Variants in PPP2R3A observed in about 807,000 individuals in gnomAD.
The protein encoded by PPP2R3A is serine/threonine-protein phosphatase 2A regulatory subunit B'' subunit alpha.
Under a neutral mutation model 106.9 loss-of-function variants are expected in PPP2R3A, and 80 were observed. The observed-to-expected ratio is 0.75, with a 90% CI of 0.62 to 0.90. The LOEUF (loss-of-function observed/expected upper bound fraction) is 0.90. Ranked by LOEUF, PPP2R3A falls within the 40% of genes least tolerant of loss-of-function variation. PPP2R3A has a pLI of 0.00. For missense variants in PPP2R3A, 1,386 were observed against 1,350.4 expected (o/e 1.03, Z -0.41); for synonymous variants, 483 against 468.3 (o/e 1.03, Z -0.41).
chr3:136,093,441 CAAAAG>C (rs1293279130), intron 10 of PPP2R3A, among the ~76,000 whole-genome samples: 18 of 152,106 alleles, frequency 1.2e-4, no homozygotes, highest in African/African-American at 3.9e-4. Flanking sequence ...TTTTGTGCAT[CAAAAG>C]ATATGATCAA....
intron 5 of PPP2R3A, among the ~76,000 whole-genome samples, chr3:136,066,625 C>T (rs988184672): frequency 2.0e-5 from 3 of 152,064 alleles, no homozygotes; most frequent in Non-Finnish European, 2.9e-5. Flanking sequence ...TCAATCATGG[C>T]AGAAGGACAA....
chr3:135,999,782 A>G (rs1490038237), intron 1 of PPP2R3A, among the ~76,000 whole-genome samples: 2 of 151,474 alleles, frequency 1.3e-5, no homozygotes, highest in Non-Finnish European at 2.9e-5. Flanking sequence ...TTTTATTTTT[A>G]TTTTTTTCTG....
intron 10 of PPP2R3A, among the ~76,000 whole-genome samples, chr3:136,092,379 GT>G (rs1268636904): frequency 6.6e-6 from 1 of 152,120 alleles, no homozygotes; most frequent in Non-Finnish European, 1.5e-5. Context: ...GACATCCCAT[GT>G]TCATGGATCA....
chr3:136,116,446 G>A (rs182529287), intron 13 of PPP2R3A, among the ~76,000 whole-genome samples: 1 of 152,260 alleles, frequency 6.6e-6, no homozygotes, highest in Admixed American at 6.5e-5. Context: ...ACACAGACTG[G>A]CAAATTGGAT....
chr3:135,989,698 G>T (rs1933074017), intron 1 of PPP2R3A, among the ~76,000 whole-genome samples: 2 of 151,972 alleles, frequency 1.3e-5, no homozygotes, highest in African/African-American at 2.4e-5. Context: ...CTTCCTTTCT[G>T]TACCTTACTT....
intron 2 of PPP2R3A, among the ~76,000 whole-genome samples, chr3:136,023,952 A>C (rs1327989351): frequency 1.3e-5 from 2 of 152,168 alleles, no homozygotes; most frequent in African/African-American, 4.8e-5. Context: ...CCAGCAAGAA[A>C]CCATAGTTTT....
chr3:136,040,729 C>T (rs1350016539), intron 3 of PPP2R3A, 130 bp from the exon 4 acceptor site: 2 of 570,224 alleles, frequency 3.5e-6, no homozygotes. Flanking sequence ...TCCTATGCTC[C>T]AGTTTTGTTC....
chr3:136,000,178 C>A (rs1335881016), intron 1 of PPP2R3A, among the ~76,000 whole-genome samples: 2 of 152,108 alleles, frequency 1.3e-5, no homozygotes, highest in Non-Finnish European at 2.9e-5. Flanking sequence ...AACCCTTGCC[C>A]TGCATCATTT....
chr3:136,096,549 TTAGTCATC>T (rs1937219830), intron 10 of PPP2R3A, among the ~76,000 whole-genome samples: 1 of 152,266 alleles, frequency 6.6e-6, no homozygotes, highest in Non-Finnish European at 1.5e-5. Flanking sequence ...TGCTTCTACC[TTAGTCATC>T]TGGCTAGATA....
At chr3:136,052,316 GA>G (rs984968904) in intron 5 of PPP2R3A, among the ~76,000 whole-genome samples, 3 of 152,150 alleles carry the variant, frequency 2.0e-5, no homozygotes, top group African/African-American at 7.2e-5. Flanking sequence ...ACAGAGGAAA[GA>G]AAAGCTGGCA....
chr3:136,042,265 A>T (rs898663374), intron 4 of PPP2R3A, among the ~76,000 whole-genome samples: 3 of 152,138 alleles, frequency 2.0e-5, no homozygotes, highest in African/African-American at 4.8e-5. Context: ...GGTGGAGGGT[A>T]TTCTCATAAG....
intron 2 of PPP2R3A, among the ~76,000 whole-genome samples, chr3:136,025,805 C>T (rs1371059418): frequency 6.6e-6 from 1 of 152,060 alleles, no homozygotes; most frequent in Non-Finnish European, 1.5e-5. Flanking sequence ...CTTTATGTAG[C>T]ATCTAATACA....
In PPP2R3A at chr3:136,126,229, C is replaced by T. The variant is rs553566274; in HGVS notation, c.3330-18814C>T. ...TTTCCCTTTCCTAACCAAGGGAAGC[C>T]GTGACAGACTACCTGGAAAAACGGG... On this transcript the variant is annotated intron_variant, in intron 13 of 13. Transcript: ENST00000264977. Among the ~76,000 whole-genome samples, 8 of 152,332 alleles carry T rather than the reference C, an allele frequency of 5.3e-5. No homozygotes were observed. The South Asian group carries it at 6.2e-4, about 12-fold the overall frequency.
chr3:136,057,500 A>G (rs1049400352), intron 5 of PPP2R3A, among the ~76,000 whole-genome samples: 1 of 152,158 alleles, frequency 6.6e-6, no homozygotes, highest in Non-Finnish European at 1.5e-5. Context: ...AACAGAGACC[A>G]GGAAGGGGGA....
At chr3:136,071,211 G>A (rs938729237) in intron 6 of PPP2R3A, among the ~76,000 whole-genome samples, 5 of 152,208 alleles carry the variant, frequency 3.3e-5, no homozygotes, top group Admixed American at 6.5e-5. Context: ...ACATTCTCAA[G>A]TGAGATGGCC....
At chr3:136,058,858 C>T (rs1935973886) in intron 5 of PPP2R3A, among the ~76,000 whole-genome samples, 1 of 152,196 alleles carries the variant, frequency 6.6e-6, no homozygotes, top group African/African-American at 2.4e-5. Flanking sequence ...CTACAACTGT[C>T]TGATCTTTGA....
intron 1 of PPP2R3A, among the ~76,000 whole-genome samples, chr3:135,968,992 G>T (rs561838291): frequency 6.6e-6 from 1 of 151,824 alleles, no homozygotes. Flanking sequence ...GTAATTTACC[G>T]TAAACAGTGC....
chr3:136,035,648 C>T (rs185113557), intron 3 of PPP2R3A, among the ~76,000 whole-genome samples: 106 of 152,326 alleles, frequency 7.0e-4, no homozygotes, highest in African/African-American at 2.5e-3. Context: ...GGTGTCACCA[C>T]TCTTAAGATT....
At chr3:136,021,367 G>A (rs1046135750) in intron 2 of PPP2R3A, among the ~76,000 whole-genome samples, 15 of 152,014 alleles carry the variant, frequency 9.9e-5, no homozygotes, top group East Asian at 1.9e-4. Flanking sequence ...ATCATAGTAC[G>A]TATCAAAAGC....
Sources: gnomAD v4.1 joint callset for allele counts (sites outside exome capture counted in the v4.1 genomes callset) on GRCh38, gnomAD v4.1.1 for gene constraint, MANE v1.5 for transcripts, NCBI Gene and HGNC (gene_info 2026-07-23, HGNC 2026-07-21) for gene names.